The following FRMPD4 variants were observed in gnomAD, a reference collection of about 807,000 sequenced individuals.
FRMPD4 encodes FERM and PDZ domain-containing protein 4.
A neutral mutation model predicts 94.1 loss-of-function variants in FRMPD4; 22 were observed. That is an observed-to-expected ratio of 0.23 (90% CI 0.17 to 0.33). The LOEUF (loss-of-function observed/expected upper bound fraction) is 0.33. Ranked by LOEUF, FRMPD4 falls within the 10% of genes least tolerant of loss-of-function variation. The probability of loss-of-function intolerance (pLI) is 1.00; values close to 1 mark genes in which losing one functional copy is unlikely to be tolerated. For missense variants in FRMPD4, 1,111 were observed against 1,339.9 expected, an observed-to-expected ratio of 0.83 and a Z score of 2.67; for synonymous variants, 631 against 548.6, an observed-to-expected ratio of 1.15 and a Z score of -2.10.
At chrX:11,949,315 G>A (rs1306428300) in intron 3 of FRMPD4, among the ~76,000 whole-genome samples, 3 of 112,157 alleles carry the variant, frequency 2.7e-5, no homozygotes, top group Admixed American at 9.5e-5. Flanking sequence ...CACACAAGAA[G>A]GTGCTTTTCT....
chrX:11,866,357 C>T (rs1460464841), intron 2 of FRMPD4, among the ~76,000 whole-genome samples: 1 of 111,466 alleles, frequency 9.0e-6, no homozygotes, highest in African/African-American at 3.3e-5. Context: ...TAACAGTTTC[C>T]AGGCTAATAG....
intron 4 of FRMPD4, among the ~76,000 whole-genome samples, chrX:12,615,483 TA>T (rs1483409373): frequency 5.4e-5 from 6 of 112,016 alleles, no homozygotes; most frequent in African/African-American, 1.9e-4. Context: ...TATGTTATGT[TA>T]AAAAATATTG....
At chrX:12,510,476 T>C (rs757429954) in intron 2 of FRMPD4, among the ~76,000 whole-genome samples, 36 of 111,773 alleles carry the variant, frequency 3.2e-4, no homozygotes, top group Admixed American at 6.7e-4. Flanking sequence ...ATGTCAGACA[T>C]AAGAAATACA....
At chrX:11,971,208 C>A (rs765571164) in intron 3 of FRMPD4, among the ~76,000 whole-genome samples, 3 of 112,098 alleles carry the variant, frequency 2.7e-5, no homozygotes, top group Non-Finnish European at 5.6e-5. Flanking sequence ...GCCTTACATG[C>A]GCCAGATTTT....
chrX:12,621,548 G>A (rs1273149523), intron 4 of FRMPD4, among the ~76,000 whole-genome samples: 3 of 79,754 alleles, frequency 3.8e-5, no homozygotes, highest in Non-Finnish European at 7.2e-5. Context: ...CAGGTCAGGC[G>A]TGGTGATTCA....
At chrX:11,930,155 A>G (rs760773794) in intron 3 of FRMPD4, among the ~76,000 whole-genome samples, 1 of 103,291 alleles carries the variant, frequency 9.7e-6, no homozygotes, top group Admixed American at 1.1e-4. Flanking sequence ...TGGGAACACT[A>G]TCATATAGAC....
intron 1 of FRMPD4, among the ~76,000 whole-genome samples, chrX:12,402,881 AG>A (rs1276121661): frequency 8.9e-6 from 1 of 112,184 alleles, no homozygotes; most frequent in African/African-American, 3.2e-5. Flanking sequence ...TTACCAAACA[AG>A]TGAACCTGCT....
intron 1 of FRMPD4, among the ~76,000 whole-genome samples, chrX:12,434,555 G>A (rs1464810671): frequency 4.4e-5 from 5 of 112,533 alleles, no homozygotes; most frequent in South Asian, 7.4e-4. Flanking sequence ...ACTTCCACTC[G>A]AGGCTCCTTG....
At chrX:11,854,559 A>C (rs28834387) in intron 1 of FRMPD4, among the ~76,000 whole-genome samples, 1 of 111,557 alleles carries the variant, frequency 9.0e-6, no homozygotes, top group African/African-American at 3.3e-5. Context: ...TGGGTAAAAT[A>C]CACCCATTCC....
intron 1 of FRMPD4, among the ~76,000 whole-genome samples, chrX:12,408,196 G>A (rs1196285074): frequency 9.5e-6 from 1 of 105,674 alleles, no homozygotes; most frequent in Non-Finnish European, 1.9e-5. Flanking sequence ...TAGGACCATC[G>A]AAGTATAATA....
chrX:11,903,482 T>C (rs908823889), intron 3 of FRMPD4, among the ~76,000 whole-genome samples: 1 of 112,467 alleles, frequency 8.9e-6, no homozygotes, highest in African/African-American at 3.2e-5. Flanking sequence ...CATCCTTGAT[T>C]CTTTATAGCC....
chrX:11,830,444 C>T (rs1378834463), intron 1 of FRMPD4, among the ~76,000 whole-genome samples: 1 of 111,002 alleles, frequency 9.0e-6, no homozygotes, highest in Non-Finnish European at 1.9e-5. Flanking sequence ...CATTGGCATT[C>T]ATTTCTCCTT....
chrX:12,234,700 T>C (rs1054624602), intron 1 of FRMPD4, among the ~76,000 whole-genome samples: 1 of 112,411 alleles, frequency 8.9e-6, no homozygotes. Flanking sequence ...AATGCAATTA[T>C]ATTCTATATA....
chrX:12,701,035 T>C (rs1271065708), intron 9 of FRMPD4, among the ~76,000 whole-genome samples: 3 of 108,823 alleles, frequency 2.8e-5, no homozygotes, highest in African/African-American at 1.0e-4. Flanking sequence ...CCAAGTACGG[T>C]TCTAAGAGCT....
intron 1 of FRMPD4, chrX:12,396,029 G>T: frequency 7.0e-6 from 1 of 142,022 alleles, no homozygotes. Context: ...TTTTAGGCCA[G>T]CTTGGTAGCT....
intron 3 of FRMPD4, among the ~76,000 whole-genome samples, chrX:11,960,798 C>T (rs2054279732): frequency 1.8e-5 from 2 of 111,970 alleles, no homozygotes; most frequent in Non-Finnish European, 3.8e-5. Context: ...ATTTTTATAT[C>T]CTCACAACCT....
In FRMPD4 at chrX:12,388,850, T is replaced by TATATATATATATAC. The variant is rs1491368741; in HGVS notation, c.42-109829_42-109828insTATATATATATACA. Among the ~76,000 whole-genome samples the TATATATATATATAC allele has an allele frequency of 2.3e-3, 171 of 73,374 alleles. 4 individuals are homozygous for TATATATATATATAC. Among genetic ancestry groups the TATATATATATATAC allele is most frequent in the African/African-American group, 0.011 (164 of 15,487 alleles). The allele number at this position is 73,374 out of a possible 115,157, so 63.7% of individuals were successfully genotyped here. A position where few individuals can be genotyped will look rare whatever the true frequency, so the allele number is the denominator to read the frequency against. ...ATATATATATATATATATATATATA[T>TATATATATATATAC]ACACACAATGGAGTACTATTCAGCC... is the stretch of plus-strand genomic sequence containing the variant. On this transcript the variant is annotated intron_variant, in intron 1 of 16. Coordinates refer to ENST00000675598, the MANE Select transcript of FRMPD4 (RefSeq NM_001368397.1).
chrX:11,944,454 G>A lies in FRMPD4; in HGVS notation c.95+66436G>A, dbSNP rs533759367. 2.8e-4 allele frequency among the ~76,000 whole-genome samples: 31 copies of A among 111,862 alleles called. No homozygotes were observed. The Middle Eastern group carries it at 0.032, about 117-fold the overall frequency. ...TAACACAGATTTTACTGTCATTTCAGCCTTTATCTAGAAATCTATTTCCAG... is the reference window on the plus strand; with the variant it reads ...TAACACAGATTTTACTGTCATTTCAACCTTTATCTAGAAATCTATTTCCAG... On this transcript the variant is annotated intron_variant, in intron 3 of 18. Transcript: ENST00000640291.
intron 1 of FRMPD4, among the ~76,000 whole-genome samples, chrX:12,312,239 CTT>C (rs200625685): frequency 3.9e-4 from 24 of 61,477 alleles, no homozygotes; most frequent in African/African-American, 1.5e-3. Flanking sequence ...TGCTCCATTA[CTT>C]TTTTTTTTTT....
Sources: allele counts gnomAD v4.1 joint callset (sites outside exome capture counted in the v4.1 genomes callset), GRCh38; gene constraint gnomAD v4.1.1; transcripts MANE v1.5; gene names NCBI Gene and HGNC (gene_info 2026-07-23, HGNC 2026-07-21).